The following SBF1 variants were observed in gnomAD, a reference collection of about 807,000 sequenced individuals.
The protein encoded by SBF1 is SET binding factor 1, also known as myotubularin-related protein 5.
In SBF1, 65 loss-of-function variants were observed where a neutral mutation model predicts 215.8. The ratio of observed to expected loss-of-function variants is 0.30; its 90% CI spans 0.25 to 0.37. SBF1 has a LOEUF of 0.37. SBF1 is among the 10% of genes least tolerant of loss of function. The pLI is 1.00. For synonymous variants in SBF1, 1,410 were observed against 1,122.8 expected, an observed-to-expected ratio of 1.26 and a Z score of -5.11; for missense variants, 2,634 against 2,667.8, an observed-to-expected ratio of 0.99 and a Z score of 0.28.
intron 15 of SBF1, among the ~76,000 whole-genome samples, chr22:50,463,669 G>A (rs1207453687): frequency 1.3e-5 from 2 of 152,258 alleles, no homozygotes; most frequent in Non-Finnish European, 1.5e-5. Context: ...GAGCTGGCAG[G>A]GAGGTGCGCT....
chr22:50,455,012 A>G lies in SBF1; in HGVS notation c.4681+4T>C. 1.2e-6 allele frequency: 2 copies of G among 1,613,934 alleles called. No homozygotes were observed. The highest frequency in any genetic ancestry group is 1.6e-4 in the Middle Eastern group (1 of 6,062). ...GGCTGCCCCAGCCCCGACTCCCCAC[A>G]TACCCAGCTCAATGCGCTCATAGTC... On this transcript the variant is annotated splice_donor_region_variant and intron_variant, in intron 34 of 40. Coordinates refer to ENST00000380817, the MANE Select transcript of SBF1 (RefSeq NM_002972.4).
At position 50,467,580 on chromosome 22, in the gene SBF1, C is replaced by T. The variant is rs550081409; in HGVS notation, c.390G>A (p.Pro130=). The change falls in exon 4 of 41, where the codon CCG becomes CCA. Residue 130 remains proline, a synonymous_variant. Coordinates refer to ENST00000380817, the MANE Select transcript of SBF1 (RefSeq NM_002972.4). The part of the protein sequence containing the change: ...APAPSAQLFA[P]KTLVLVSRLD... ...GTCGCGACACCAGTACCAGCGTCTT[C>T]GGTGCAAACAGCTGGGCAGATGGGG... The T allele has an allele frequency of 5.1e-5, 83 of 1,614,116 alleles. No homozygotes were observed. The highest frequency in any genetic ancestry group is 3.2e-4 in the South Asian group (29 of 91,074).
At position 50,465,279 on chromosome 22, in the gene SBF1, T is replaced by C. The variant is rs1465835074; in HGVS notation, c.1139A>G (p.Gln380Arg). 2.5e-6 allele frequency: 4 copies of C among 1,609,852 alleles called. No individual in the cohort carries two copies. Among genetic ancestry groups the C allele is most frequent in the Non-Finnish European group, 3.4e-6 (4 of 1,178,670 alleles). ...VFLRLFAQLL[Q>R]GYRWCLHVVR... ...GACGTGCAGGCACCAGCGATAGCCC[T>C]GCAGCAGCTGAGCGAACAGCCGCAG... Residue 380 changes from glutamine to arginine, a missense_variant, in exon 11 of 41, where the codon CAG (glutamine) becomes CGG (arginine). Physicochemically the swap from Gln to Arg is conservative, Grantham distance 43 (BLOSUM62 1). Coordinates refer to ENST00000380817, the MANE Select transcript of SBF1 (RefSeq NM_002972.4).
At chr22:50,464,275 G>T in intron 15 of SBF1, 54 bp downstream of exon 15, 3 of 1,400,562 alleles carry the variant, frequency 2.1e-6, no homozygotes, top group Non-Finnish European at 2.0e-6. Flanking sequence ...GTGCAGCCTG[G>T]GTCTCCTCTG....
intron 1 of SBF1, among the ~76,000 whole-genome samples, chr22:50,473,344 G>A (rs1339702003): frequency 6.6e-6 from 1 of 152,160 alleles, no homozygotes; most frequent in Admixed American, 6.5e-5. Context: ...GCCCCAGGTG[G>A]TAAGGCCTCC....
At position 50,446,915 on chromosome 22, in the gene SBF1, G is replaced by A. The variant is rs1167441437; in HGVS notation, c.*227C>T. The A allele has an allele frequency of 1.4e-6, 1 of 727,660 alleles. No homozygotes were observed. The highest frequency in any genetic ancestry group is 1.9e-5 in the Admixed American group (1 of 53,250). The allele number at this position is 727,660 out of a possible 1,614,324, so 45.1% of individuals were successfully genotyped here. ...CGGACTATTTACAGGCCCATTGCGGGCTGTACCTTGGCCACCTCCCGGCAC... is the reference window on the plus strand; with the variant it reads ...CGGACTATTTACAGGCCCATTGCGGACTGTACCTTGGCCACCTCCCGGCAC... On this transcript the variant is annotated 3_prime_UTR_variant, in exon 41 of 41. Coordinates refer to ENST00000380817, the MANE Select transcript of SBF1 (RefSeq NM_002972.4).
rs975523102 is a variant in SBF1, at chr22:50,447,074, G to A, written c.*68C>T. The A allele has an allele frequency of 2.8e-5, 39 of 1,406,150 alleles. No individual in the cohort carries two copies. The Admixed American group carries it at 3.3e-4, about 12-fold the overall frequency. 87.1% of individuals were successfully genotyped at this position (1,406,150 alleles called of 1,614,324 possible). A position where few individuals can be genotyped will look rare whatever the true frequency, so the allele number is the denominator to read the frequency against. ...GGGCCGGGGCTGTAAACATGGCCGG[G>A]GCGGCCCTGCCCACCCCTAGTGGTC... On this transcript the variant is annotated 3_prime_UTR_variant, in exon 41 of 41. Coordinates refer to ENST00000380817, the MANE Select transcript of SBF1 (RefSeq NM_002972.4).
rs781317774 is a variant in SBF1, at chr22:50,468,451, T to C, written c.66A>G (p.Glu22=). The change falls in exon 2 of 41, where the codon GAA becomes GAG. Residue 22 remains glutamate (E), a synonymous_variant. Coordinates refer to ENST00000380817, the MANE Select transcript of SBF1 (RefSeq NM_002972.4). ...AFGPHPRGSG[E]GQGQILQRFP... ...AGCGCTGCAGAATCTGGCCCTGGCC[T>C]TCCCCACTCCCTGAGGACAAGAACA... 4 of 1,605,644 alleles carry C rather than the reference T, an allele frequency of 2.5e-6. No homozygotes were observed. In the South Asian group the frequency reaches 4.4e-5, roughly 18 times the overall value.
chr22:50,471,774 G>C (rs2068005024), intron 1 of SBF1, among the ~76,000 whole-genome samples: 1 of 152,156 alleles, frequency 6.6e-6, no homozygotes, highest in Admixed American at 6.5e-5. Context: ...GGAGGCAGTT[G>C]AGGCCATCCC....
In SBF1 at chr22:50,460,361, C is replaced by T. The variant is rs745551529; in HGVS notation, c.3194G>A (p.Arg1065Gln). ...GTACTTCTTGCGAGTGACATGCTGC[C>T]GCCCGATGGTCTTCTTGGCGTTCTT... ...LVKNAKKTIG[R>Q]QHVTRKKYNP... Residue 1065 changes from arginine to glutamine, a missense_variant, in exon 25 of 41, where the codon CGG becomes CAG. By Grantham distance (43) the Arg-to-Gln change is conservative. Coordinates refer to ENST00000380817, the MANE Select transcript of SBF1 (RefSeq NM_002972.4). 5.0e-6 allele frequency: 8 copies of T among 1,613,528 alleles called. No individual in the cohort carries two copies. The highest frequency in any genetic ancestry group is 2.2e-5 in the East Asian group (1 of 44,870).
intron 28 of SBF1, among the ~76,000 whole-genome samples, chr22:50,458,697 G>T (rs1353107547): frequency 6.6e-6 from 1 of 152,228 alleles, no homozygotes; most frequent in Non-Finnish European, 1.5e-5. Context: ...GTGTGTGCAG[G>T]GCGCCTGTGA....
chr22:50,467,433 T>C lies in SBF1; in HGVS notation c.454A>G (p.Ile152Val), dbSNP rs745851428. The C allele has an allele frequency of 7.4e-6, 12 of 1,614,044 alleles. No individual in the cohort carries two copies. The highest frequency in any genetic ancestry group is 8.5e-6 in the Non-Finnish European group (10 of 1,180,024). ...AGGCCCTCCACGTGGATGGCATAGA[T>C]GAGGCCAAGGCTGTTCTGCAATGAC... ...TEVFRNSLGLIYAIHVEGLNV... is the reference protein window; with the variant it reads ...TEVFRNSLGLVYAIHVEGLNV... The change falls in exon 5 of 41, where the codon ATC becomes GTC. Residue 152 changes from isoleucine (I) to valine (V), a missense_variant. By Grantham distance (29) the Ile-to-Val change is conservative (BLOSUM62 3). Transcript: ENST00000380817.
At chr22:50,468,612 GTC>G in intron 1 of SBF1, 151 bp from the exon 2 acceptor site, 2 of 590,996 alleles carry the variant, frequency 3.4e-6, no homozygotes, top group Non-Finnish European at 5.9e-6. Context: ...CGTATGGAGA[GTC>G]TGCTTGACAG....
Position 50,445,706 on chromosome 22 carries a change from A to G in SBF1, c.*1436T>C, listed in dbSNP as rs1227457369. The G allele has an allele frequency of 6.6e-6, 1 of 152,188 alleles. No homozygotes were observed. Among genetic ancestry groups the G allele is most frequent in the Non-Finnish European group, 1.5e-5 (1 of 68,074 alleles). 9.4% of individuals were successfully genotyped at this position (152,188 alleles called of 1,614,324 possible). A position where few individuals can be genotyped will look rare whatever the true frequency, so the allele number is the denominator to read the frequency against. The stretch of plus-strand genomic sequence containing the variant: ...CTGGCTGGTTTCAGTGGCTCAAGTG[A>G]GCCCACCCTCACATCTCGCCCAGGT... On this transcript the variant is annotated 3_prime_UTR_variant, in exon 41 of 41. Coordinates refer to ENST00000380817, the MANE Select transcript of SBF1 (RefSeq NM_002972.4).
chr22:50,456,554 G>A lies in SBF1; in HGVS notation c.4024C>T (p.Pro1342Ser). The A allele has an allele frequency of 6.3e-7, 1 of 1,583,790 alleles. No homozygotes were observed. Among genetic ancestry groups the A allele is most frequent in the Non-Finnish European group, 8.6e-7 (1 of 1,165,726 alleles). Residue 1342 changes from proline (P) to serine (S), a missense_variant, in exon 30 of 41, where the codon CCG becomes TCG. Transcript: ENST00000380817. ...PPQANGGPPD[P>S]GFLRPQRAAL... ...GCTCGCTGCGGACGCAGGAAGCCCG[G>A]GTCGGGAGGGCCCCCGTTGGCCTGG...
Position 50,464,530 on chromosome 22 carries a change from G to C in SBF1, c.1636+4C>G, listed in dbSNP as rs564915156. On this transcript the variant is annotated splice_donor_region_variant and intron_variant, in intron 14 of 40. Coordinates refer to ENST00000380817, the MANE Select transcript of SBF1 (RefSeq NM_002972.4). Reference sequence around the variant, plus strand: ...GGCCTGCCTTCCCCTCCCTCATTACGCACTCATGGGGGGCCCTGAGGGCAC... The same window carrying C: ...GGCCTGCCTTCCCCTCCCTCATTACCCACTCATGGGGGGCCCTGAGGGCAC... 1 of 1,606,284 alleles carries C rather than the reference G, an allele frequency of 6.2e-7. No homozygotes were observed. The highest frequency in any genetic ancestry group is 1.7e-5 in the Admixed American group (1 of 59,670).
In SBF1 at chr22:50,462,906, C is replaced by T. The variant is rs370680754; in HGVS notation, c.1932G>A (p.Ala644=). 42 of 1,613,086 alleles carry T rather than the reference C, an allele frequency of 2.6e-5. No individual in the cohort carries two copies. In the East Asian group the frequency reaches 4.7e-4, roughly 18 times the overall value. The part of the protein sequence containing the change: ...DCTSLDEHGI[A]AALLPLVTAF... The stretch of plus-strand genomic sequence containing the variant: ...CTGTGACCAGAGGCAGCAGAGCCGC[C>T]GCAATGCCATGCTCGTCCAGAGAAG... The change falls in exon 17 of 41, where the codon GCG becomes GCA. Residue 644 remains alanine (A), a synonymous_variant. Coordinates refer to ENST00000380817, the MANE Select transcript of SBF1 (RefSeq NM_002972.4).
In SBF1 at chr22:50,462,834, G is replaced by T. The variant is rs201286164; in HGVS notation, c.1968+36C>A. 2.9e-4 allele frequency: 462 copies of T among 1,612,228 alleles called. 4 individuals are homozygous for T. In the South Asian group the frequency reaches 4.3e-3, roughly 15 times the overall value. ...GAGACCTCAGCCACCAGGAAGGGGG[G>T]GCTGGGAAGGAGACCTCAGCCATGC... On this transcript the variant is annotated intron_variant, in intron 17 of 40. Transcript: ENST00000380817.
chr22:50,453,055 C>T (rs1166510286), intron 36 of SBF1, among the ~76,000 whole-genome samples: 3 of 152,090 alleles, frequency 2.0e-5, no homozygotes, highest in Non-Finnish European at 4.4e-5. Flanking sequence ...AACCCAGCCA[C>T]ATCAATAGTA....
Sources: gnomAD v4.1 joint callset for allele counts (sites outside exome capture counted in the v4.1 genomes callset) on GRCh38, gnomAD v4.1.1 for gene constraint, MANE v1.5 for transcripts, NCBI Gene and HGNC (gene_info 2026-07-23, HGNC 2026-07-21) for gene names.